Variants in ELMOD1 observed in about 807,000 individuals in gnomAD.
ELMOD1 encodes the protein ELMO domain containing 1.
A neutral mutation model predicts 46.7 loss-of-function variants in ELMOD1; 21 were observed. That is an observed-to-expected ratio of 0.45 (90% CI 0.32 to 0.65). ELMOD1 has a LOEUF of 0.65. Ranked by LOEUF, ELMOD1 falls within the 30% of genes least tolerant of loss-of-function variation. The probability of loss-of-function intolerance (pLI) is 0.04; values close to 1 mark genes in which losing one functional copy is unlikely to be tolerated. For missense variants in ELMOD1, 348 were observed against 407.8 expected (o/e 0.85, Z 1.26); for synonymous variants, 122 against 138.2 (o/e 0.88, Z 0.82).
chr11:107,654,062 C>T (rs1183709275), intron 9 of ELMOD1, 110 bp from the exon 10 acceptor site: 13 of 849,936 alleles, frequency 1.5e-5, no homozygotes, highest in Non-Finnish European at 2.5e-5. Flanking sequence ...GATAATTGAG[C>T]TACAGACATC....
intron 1 of ELMOD1, among the ~76,000 whole-genome samples, chr11:107,603,899 G>A (rs1472912782): frequency 6.6e-6 from 1 of 151,092 alleles, no homozygotes; most frequent in African/African-American, 2.4e-5. Context: ...AGGAATTAAA[G>A]ATTAAAAAAA....
intron 5 of ELMOD1, among the ~76,000 whole-genome samples, chr11:107,634,975 G>A (rs1350717078): frequency 6.6e-6 from 1 of 152,164 alleles, no homozygotes; most frequent in South Asian, 2.1e-4. Flanking sequence ...CAACTACAGC[G>A]GTCAGAATGT....
Position 107,597,599 on chromosome 11 carries a change from G to A in ELMOD1, c.-86+6190G>A, listed in dbSNP as rs946006279. Among the ~76,000 whole-genome samples the A allele has an allele frequency of 2.6e-5, 4 of 152,214 alleles. No homozygotes were observed. In the East Asian group the frequency reaches 7.7e-4, roughly 29 times the overall value. ...TAAATCTTATCCTGCAGTTTAAATTGAGCTCCCAGGCACTTATCCACGAAT... is the reference window on the plus strand; with the variant it reads ...TAAATCTTATCCTGCAGTTTAAATTAAGCTCCCAGGCACTTATCCACGAAT... On this transcript the variant is annotated intron_variant, in intron 1 of 11. Coordinates refer to ENST00000265840, the MANE Select transcript of ELMOD1 (RefSeq NM_018712.4).
chr11:107,605,580 G>T (rs746391429), intron 1 of ELMOD1, among the ~76,000 whole-genome samples: 1 of 152,210 alleles, frequency 6.6e-6, no homozygotes, highest in Admixed American at 6.5e-5. Flanking sequence ...GTAGGCAACC[G>T]CAGTGAAATT....
At position 107,606,835 on chromosome 11, in the gene ELMOD1, A is replaced by G. The variant is rs182346764; in HGVS notation, c.-85-11270A>G. Among the ~76,000 whole-genome samples the G allele has an allele frequency of 6.8e-3, 1,041 of 152,172 alleles. 8 individuals are homozygous for G. The highest frequency in any genetic ancestry group is 0.023 in the African/African-American group (969 of 41,534). On this transcript the variant is annotated intron_variant, in intron 1 of 11. Transcript: ENST00000265840. ...CTCTGTCTCAAAAAAAAAAACCTAC[A>G]TCGGTTTCAGTTACCTGTTAGTTTT...
At chr11:107,626,191 C>T (rs1456102583) in intron 2 of ELMOD1, among the ~76,000 whole-genome samples, 2 of 151,860 alleles carry the variant, frequency 1.3e-5, no homozygotes, top group Non-Finnish European at 2.9e-5. Context: ...TAAAACTAAG[C>T]TTATTGGTTT....
intron 1 of ELMOD1, among the ~76,000 whole-genome samples, chr11:107,601,735 T>C (rs1439061554): frequency 6.6e-6 from 1 of 152,150 alleles, no homozygotes; most frequent in Non-Finnish European, 1.5e-5. Flanking sequence ...TATTTTCTAT[T>C]AATTTTTTTA....
chr11:107,628,350 A>G (rs1408564468), intron 2 of ELMOD1, among the ~76,000 whole-genome samples: 1 of 152,078 alleles, frequency 6.6e-6, no homozygotes, highest in Non-Finnish European at 1.5e-5. Flanking sequence ...TATTTTTAGT[A>G]GAGATGGGGT....
chr11:107,641,645 A>G lies in ELMOD1; in HGVS notation c.421-5823A>G, dbSNP rs77614913. Among the ~76,000 whole-genome samples, 1,513 of 152,296 alleles carry G rather than the reference A, an allele frequency of 9.9e-3. 11 individuals carry two copies. The highest frequency in any genetic ancestry group is 0.015 in the Non-Finnish European group (1,012 of 68,024). ...TTACATGCCTTATCATCATCCTCTC[A>G]TATGTAACAGTCCACTGGTGCAGGA... On this transcript the variant is annotated intron_variant, in intron 6 of 11. Transcript: ENST00000265840.
intron 11 of ELMOD1, among the ~76,000 whole-genome samples, chr11:107,664,253 A>T (rs1565394737): frequency 2.1e-5 from 2 of 96,604 alleles, no homozygotes; most frequent in African/African-American, 1.4e-4. Context: ...ATCTAGTATT[A>T]AAAAAAAAAC....
chr11:107,649,217 C>T (rs1866483376), intron 7 of ELMOD1, among the ~76,000 whole-genome samples: 1 of 152,062 alleles, frequency 6.6e-6, no homozygotes, highest in East Asian at 1.9e-4. Flanking sequence ...TAAATTAAAT[C>T]ATTACCTCAC....
At chr11:107,595,291 G>A (rs1865474481) in intron 1 of ELMOD1, among the ~76,000 whole-genome samples, 1 of 151,898 alleles carries the variant, frequency 6.6e-6, no homozygotes. Flanking sequence ...TTATAACTAA[G>A]TAGCTCATTA....
chr11:107,621,746 G>T (rs1214338805), intron 2 of ELMOD1, among the ~76,000 whole-genome samples: 2 of 152,192 alleles, frequency 1.3e-5, no homozygotes, highest in African/African-American at 2.4e-5. Flanking sequence ...GAATGTGAGG[G>T]CCAGGCATGG....
intron 1 of ELMOD1, among the ~76,000 whole-genome samples, chr11:107,603,876 TA>T (rs34698436): frequency 0.14 from 18,479 of 134,218 alleles, 1,297 homozygotes; most frequent in African/African-American, 0.23. Context: ...AGACCTTGTC[TA>T]AAAAAAAAAA....
intron 2 of ELMOD1, among the ~76,000 whole-genome samples, chr11:107,627,925 T>G (rs1866070451): frequency 6.6e-6 from 1 of 152,172 alleles, no homozygotes; most frequent in African/African-American, 2.4e-5. Context: ...TGGGGTGGAC[T>G]TCCCTGAAAA....
At chr11:107,655,905 A>G (rs750503818) in intron 10 of ELMOD1, 28 bp from the exon 11 acceptor site, 22 of 1,595,472 alleles carry the variant, frequency 1.4e-5, no homozygotes, top group Non-Finnish European at 1.8e-5. Context: ...TGTGACACAC[A>G]GTTGGTTTTG....
At chr11:107,656,168 G>C in intron 11 of ELMOD1, 102 bp downstream of exon 11, 1 of 1,300,162 alleles carries the variant, frequency 7.7e-7, no homozygotes, top group Admixed American at 2.2e-5. Flanking sequence ...CGAGTGGATT[G>C]CCTGAGCTCA....
rs761156731 is a variant in ELMOD1, at chr11:107,665,151, C to T, written c.959C>T (p.Ala320Val). The T allele has an allele frequency of 9.9e-6, 16 of 1,613,898 alleles. No individual in the cohort carries two copies. The highest frequency in any genetic ancestry group is 5.3e-5 in the African/African-American group (4 of 75,002). The stretch of plus-strand genomic sequence containing the variant: ...AAACAGCTGCAGAACCCAGACATGG[C>T]GCTGTGCCCACATTTTGCTGCCTCG... The part of the protein sequence containing the change: ...IIKQLQNPDM[A>V]LCPHFAASEG... Residue 320 changes from alanine to valine, a missense_variant, in exon 12 of 12, where the codon GCG becomes GTG. Physicochemically the swap from Ala to Val is moderately conservative, Grantham distance 64. Coordinates refer to ENST00000265840, the MANE Select transcript of ELMOD1 (RefSeq NM_018712.4).
At chr11:107,633,058 A>T (rs1165738249) in intron 5 of ELMOD1, among the ~76,000 whole-genome samples, 1 of 152,214 alleles carries the variant, frequency 6.6e-6, no homozygotes, top group Non-Finnish European at 1.5e-5. Context: ...TATAAGTTGT[A>T]TATGAAACAC....
Sources: allele counts gnomAD v4.1 joint callset (sites outside exome capture counted in the v4.1 genomes callset), GRCh38; gene constraint gnomAD v4.1.1; transcripts MANE v1.5; gene names NCBI Gene and HGNC (gene_info 2026-07-23, HGNC 2026-07-21).